The following SLC10A7 variants were observed in gnomAD, a reference collection of about 807,000 sequenced individuals.
SLC10A7 encodes sodium/bile acid cotransporter 7.
In SLC10A7, 29 loss-of-function variants were observed where a neutral mutation model predicts 43.2. The ratio of observed to expected loss-of-function variants is 0.67; its 90% CI spans 0.50 to 0.92. The LOEUF (loss-of-function observed/expected upper bound fraction) is 0.92. Among genes scored for constraint, SLC10A7 ranks in the 40% least tolerant of loss-of-function variants. SLC10A7 has a pLI of 0.00. For missense variants in SLC10A7, 295 were observed against 403.2 expected (o/e 0.73, Z 2.30); for synonymous variants, 152 against 144.8 (o/e 1.05, Z -0.35).
chr4:146,398,983 G>A (rs1008198183), intron 5 of SLC10A7, among the ~76,000 whole-genome samples: 6 of 152,172 alleles, frequency 3.9e-5, no homozygotes, highest in Non-Finnish European at 8.8e-5. Flanking sequence ...CAGGCAATGG[G>A]GAAATTAACA....
At chr4:146,414,197 A>G (rs899711988) in intron 5 of SLC10A7, among the ~76,000 whole-genome samples, 2 of 152,180 alleles carry the variant, frequency 1.3e-5, no homozygotes, top group Non-Finnish European at 2.9e-5. Context: ...CCTCCTCAAC[A>G]TGACTAGGAA....
chr4:146,347,597 T>C (rs1734712762), intron 5 of SLC10A7, among the ~76,000 whole-genome samples: 1 of 152,216 alleles, frequency 6.6e-6, no homozygotes, highest in African/African-American at 2.4e-5. Context: ...GAAGAATATG[T>C]ATTACTATAG....
chr4:146,468,929 AG>A (rs963776338), intron 4 of SLC10A7, among the ~76,000 whole-genome samples: 2 of 152,074 alleles, frequency 1.3e-5, no homozygotes, highest in South Asian at 2.1e-4. Flanking sequence ...TGTTGGGGGT[AG>A]GGGGGTACCT....
intron 4 of SLC10A7, among the ~76,000 whole-genome samples, chr4:146,448,284 C>G (rs974542874): frequency 6.6e-6 from 1 of 151,720 alleles, no homozygotes; most frequent in African/African-American, 2.4e-5. Flanking sequence ...AAACAATTCT[C>G]TGATAAAAGC....
chr4:146,254,518 C>T lies in SLC10A7; in HGVS notation c.*1973G>A, dbSNP rs1486665952. 1 of 152,094 alleles carries T rather than the reference C, an allele frequency of 6.6e-6. No homozygotes were observed. The highest frequency in any genetic ancestry group is 1.9e-4 in the East Asian group (1 of 5,200). The allele number at this position is 152,094 out of a possible 1,614,324, so 9.4% of individuals were successfully genotyped here. On this transcript the variant is annotated 3_prime_UTR_variant, in exon 12 of 12. Transcript: ENST00000335472. ...ACATATCACTAACGCCACCAAAGTTCACTATGTAAAGATTATTTGAAAACA... is the reference window on the plus strand; with the variant it reads ...ACATATCACTAACGCCACCAAAGTTTACTATGTAAAGATTATTTGAAAACA...
chr4:146,394,691 T>C (rs1373290868), intron 5 of SLC10A7, among the ~76,000 whole-genome samples: 1 of 152,092 alleles, frequency 6.6e-6, no homozygotes, highest in African/African-American at 2.4e-5. Context: ...CAATACTGTA[T>C]ACTGATTTAG....
At chr4:146,493,624 A>G (rs1458105163) in intron 4 of SLC10A7, among the ~76,000 whole-genome samples, 3 of 152,188 alleles carry the variant, frequency 2.0e-5, no homozygotes, top group Admixed American at 2.0e-4. Context: ...CATCCTATAA[A>G]TCTATTCAAT....
At chr4:146,506,442 A>T (rs1736902970) in intron 3 of SLC10A7, among the ~76,000 whole-genome samples, 1 of 152,170 alleles carries the variant, frequency 6.6e-6, no homozygotes, top group South Asian at 2.1e-4. Context: ...CTGCCTCCTC[A>T]AGATACAATC....
chr4:146,403,535 AAC>A (rs1449943426), intron 5 of SLC10A7, among the ~76,000 whole-genome samples: 1 of 152,252 alleles, frequency 6.6e-6, no homozygotes, highest in Middle Eastern at 3.4e-3. Flanking sequence ...AGTTCCAGCT[AAC>A]TACCCAAGGC....
At chr4:146,294,490 T>A (rs1010338544) in intron 7 of SLC10A7, among the ~76,000 whole-genome samples, 5 of 152,282 alleles carry the variant, frequency 3.3e-5, no homozygotes, top group African/African-American at 1.2e-4. Context: ...ACTTTGGGAA[T>A]CTTAAAAATC....
chr4:146,311,852 G>A (rs1237253986), intron 6 of SLC10A7, among the ~76,000 whole-genome samples: 1 of 152,016 alleles, frequency 6.6e-6, no homozygotes, highest in Non-Finnish European at 1.5e-5. Context: ...CATTTAAACA[G>A]AAGAAGGAAG....
intron 5 of SLC10A7, among the ~76,000 whole-genome samples, chr4:146,363,744 C>A (rs990811696): frequency 6.6e-6 from 1 of 151,906 alleles, no homozygotes; most frequent in East Asian, 1.9e-4. Flanking sequence ...AATATGCTCC[C>A]GAACAACCAC....
At position 146,370,624 on chromosome 4, in the gene SLC10A7, T is replaced by C. The variant is rs536025307; in HGVS notation, c.436-44628A>G. On this transcript the variant is annotated intron_variant, in intron 5 of 11. Transcript: ENST00000335472. ...AAGAAGAATATAGAGTTCTCAAGCA[T>C]GCAAAACAAATACCGGCATTCAGCC... Among the ~76,000 whole-genome samples, 5 of 152,316 alleles carry C rather than the reference T, an allele frequency of 3.3e-5. No homozygotes were observed. In the East Asian group the frequency reaches 7.7e-4, roughly 23 times the overall value.
intron 4 of SLC10A7, among the ~76,000 whole-genome samples, chr4:146,469,925 C>T (rs940909261): frequency 6.6e-6 from 1 of 152,174 alleles, no homozygotes; most frequent in South Asian, 2.1e-4. Flanking sequence ...TGAGTCACCA[C>T]ACCCAGCCCA....
Position 146,458,602 on chromosome 4 carries a change from C to T in SLC10A7, c.397-15781G>A, listed in dbSNP as rs116618283. 8.1e-3 allele frequency among the ~76,000 whole-genome samples: 1,232 copies of T among 151,894 alleles called. 11 individuals are homozygous for T. Among genetic ancestry groups the T allele is most frequent in the Middle Eastern group, 0.014 (4 of 294 alleles). ...GATAATCAGAAACTAAAGTAACTCA[C>T]CTTACAAAAATGGTGAAAGTAATTG... On this transcript the variant is annotated intron_variant, in intron 4 of 11. Transcript: ENST00000335472.
At chr4:146,363,902 GA>G (rs1736219090) in intron 5 of SLC10A7, among the ~76,000 whole-genome samples, 1 of 151,622 alleles carries the variant, frequency 6.6e-6, no homozygotes, top group Non-Finnish European at 1.5e-5. Context: ...CAAACAAGGA[GA>G]AAAACTTCAA....
chr4:146,415,402 A>T (rs1728494008), intron 5 of SLC10A7, among the ~76,000 whole-genome samples: 1 of 152,226 alleles, frequency 6.6e-6, no homozygotes, highest in Non-Finnish European at 1.5e-5. Flanking sequence ...ATATTTATGG[A>T]GTATTTACTA....
intron 5 of SLC10A7, among the ~76,000 whole-genome samples, chr4:146,345,951 G>C (rs1214328658): frequency 6.6e-6 from 1 of 152,078 alleles, no homozygotes; most frequent in Non-Finnish European, 1.5e-5. Context: ...CCCATTTACA[G>C]ATGAAGAAAC....
intron 10 of SLC10A7, among the ~76,000 whole-genome samples, chr4:146,275,990 CAACAGTAGCTGGACACAAAATGAGGT>C (rs2111079051): frequency 6.6e-6 from 1 of 152,156 alleles, no homozygotes; most frequent in Admixed American, 6.5e-5. Flanking sequence ...CAGATCCTCC[CAACAGTAGCTGGACACAAAATGAGGT>C]AGGGATCACT....
Sources: allele counts gnomAD v4.1 joint callset (sites outside exome capture counted in the v4.1 genomes callset), GRCh38; gene constraint gnomAD v4.1.1; transcripts MANE v1.5; gene names NCBI Gene and HGNC (gene_info 2026-07-23, HGNC 2026-07-21).